The following CEP78 variants were observed in gnomAD, a reference collection of about 807,000 sequenced individuals.
CEP78 encodes the protein centrosomal protein of 78 kDa.
Under a neutral mutation model 81.2 loss-of-function variants are expected in CEP78, and 76 were observed. The observed-to-expected ratio is 0.94, with a 90% CI of 0.78 to 1.13. The LOEUF is 1.13. CEP78 is among the 50% of genes most tolerant of loss of function. The probability of loss-of-function intolerance (pLI) is 0.00; values close to 1 mark genes in which losing one functional copy is unlikely to be tolerated. For missense variants in CEP78, 918 were observed against 846.8 expected, an observed-to-expected ratio of 1.08 and a Z score of -1.04; for synonymous variants, 293 against 301.4, an observed-to-expected ratio of 0.97 and a Z score of 0.29.
At chr9:78,256,004 C>T (rs1478269061) in intron 11 of CEP78, among the ~76,000 whole-genome samples, 2 of 152,180 alleles carry the variant, frequency 1.3e-5, no homozygotes. Context: ...TAGCTCTTTT[C>T]TATTTTAAGA....
intron 11 of CEP78, among the ~76,000 whole-genome samples, chr9:78,261,219 C>T (rs1404794339): frequency 1.3e-5 from 2 of 152,092 alleles, no homozygotes; most frequent in Non-Finnish European, 2.9e-5. Context: ...GGATTACAGG[C>T]ATGAGCCACC....
intron 5 of CEP78, among the ~76,000 whole-genome samples, chr9:78,244,542 A>G (rs1243729402): frequency 6.6e-6 from 1 of 152,232 alleles, no homozygotes; most frequent in Non-Finnish European, 1.5e-5. Flanking sequence ...GTGCCATATT[A>G]TAGTCTCATA....
intron 8 of CEP78, 68 bp from the exon 9 acceptor site, chr9:78,251,840 A>G: frequency 7.0e-7 from 1 of 1,420,874 alleles, no homozygotes; most frequent in Non-Finnish European, 9.7e-7. Context: ...AAGAGTATGC[A>G]CATGTGCCTA....
chr9:78,239,312 T>C (rs1343417463), intron 1 of CEP78, among the ~76,000 whole-genome samples: 1 of 152,186 alleles, frequency 6.6e-6, no homozygotes, highest in Non-Finnish European at 1.5e-5. Context: ...CTGCCTACTT[T>C]GGTTCAAGTG....
intron 11 of CEP78, among the ~76,000 whole-genome samples, chr9:78,257,680 CAAATT>C (rs894987071): frequency 2.6e-5 from 4 of 152,128 alleles, no homozygotes; most frequent in Admixed American, 6.5e-5. Context: ...GAACATAAAA[CAAATT>C]AAACTATGGC....
intron 5 of CEP78, among the ~76,000 whole-genome samples, chr9:78,245,994 C>T (rs1339292300): frequency 1.3e-5 from 2 of 152,058 alleles, no homozygotes; most frequent in African/African-American, 4.8e-5. Context: ...CTGAGCTCCA[C>T]CCAGTTTTTG....
chr9:78,270,695 C>T (rs1377773544), intron 16 of CEP78, 146 bp from the exon 17 acceptor site: 10 of 513,446 alleles, frequency 1.9e-5, no homozygotes, highest in South Asian at 1.9e-4. Flanking sequence ...TGGGTATTTA[C>T]AGAATCTCTA....
At chr9:78,264,352 A>G (rs748229225) in intron 13 of CEP78, 36 bp downstream of exon 13, 5 of 1,586,128 alleles carry the variant, frequency 3.2e-6, no homozygotes, top group Non-Finnish European at 4.3e-6. Flanking sequence ...TCGTCCCTCC[A>G]TGACTTTAAT....
intron 11 of CEP78, among the ~76,000 whole-genome samples, chr9:78,260,568 G>A (rs1348074670): frequency 6.6e-5 from 10 of 152,046 alleles, no homozygotes; most frequent in East Asian, 2.0e-4. Context: ...TTAGCTGTGC[G>A]TGGTGGCGGA....
At chr9:78,249,631 A>G (rs1289943029) in intron 8 of CEP78, 1 of 152,040 alleles carries the variant, frequency 6.6e-6, no homozygotes, top group Non-Finnish European at 1.5e-5. Context: ...GGTATAATCT[A>G]GTTCTACTGA....
intron 12 of CEP78, among the ~76,000 whole-genome samples, chr9:78,263,569 A>G (rs1399665836): frequency 2.0e-5 from 3 of 152,176 alleles, no homozygotes; most frequent in Non-Finnish European, 4.4e-5. Flanking sequence ...ATAAAGGTTG[A>G]GCACCTGATT....
chr9:78,258,987 C>T (rs1827158820), intron 11 of CEP78, among the ~76,000 whole-genome samples: 1 of 152,080 alleles, frequency 6.6e-6, no homozygotes. Context: ...CGTTGGGACC[C>T]AACAAGTCAT....
chr9:78,263,479 A>G (rs959127210), intron 12 of CEP78, among the ~76,000 whole-genome samples: 1 of 152,192 alleles, frequency 6.6e-6, no homozygotes, highest in Non-Finnish European at 1.5e-5. Context: ...CTACATAACT[A>G]TAATTTATTA....
At chr9:78,270,688 G>T (rs1055746584) in intron 16 of CEP78, among the ~76,000 whole-genome samples, 153 bp from the exon 17 acceptor site, 2 of 152,138 alleles carry the variant, frequency 1.3e-5, no homozygotes, top group Non-Finnish European at 2.9e-5. Flanking sequence ...TTTCAAATGG[G>T]TATTTACAGA....
chr9:78,279,066 GA>G lies in CEP78; in HGVS notation c.*8229del, dbSNP rs375822706. On this transcript the variant is annotated 3_prime_UTR_variant, in exon 17 of 17. Coordinates refer to ENST00000643273, the MANE Select transcript of CEP78 (RefSeq NM_001330691.3). ...TGTACATTTTAAACCACTGTGAACT[GA>G]AAAAAAAAAAAAAGGCAACCTTGGT... 2.7e-3 allele frequency: 325 copies of G among 121,482 alleles called. No individual in the cohort carries two copies. The highest frequency in any genetic ancestry group is 8.1e-3 in the East Asian group (35 of 4,324). The allele number at this position is 121,482 out of a possible 1,614,324, so 7.5% of individuals were successfully genotyped here. A position where few individuals can be genotyped will look rare whatever the true frequency, so the allele number is the denominator to read the frequency against.
rs780142509 is a variant in CEP78 at position 78,252,051 on chromosome 9, AT to A, written c.1205+13del. ...ACGTGCAAAAAGACACAGGTAGGGT[AT>A]TTTTATTTCCTATCTTTTAGGATAA... On this transcript the variant is annotated intron_variant, in intron 9 of 16. Coordinates refer to ENST00000643273, the MANE Select transcript of CEP78 (RefSeq NM_001330691.3). 25 of 1,571,284 alleles carry A rather than the reference AT, an allele frequency of 1.6e-5. No homozygotes were observed. The South Asian group carries it at 2.6e-4, about 16-fold the overall frequency.
intron 6 of CEP78, among the ~76,000 whole-genome samples, chr9:78,247,361 C>A (rs779545743): frequency 6.6e-6 from 1 of 152,014 alleles, no homozygotes; most frequent in Non-Finnish European, 1.5e-5. Context: ...GGGAACAAGC[C>A]GTGGAAGATG....
Position 78,276,643 on chromosome 9 carries a change from A to G in CEP78, c.*5792A>G, listed in dbSNP as rs1005898161. On this transcript the variant is annotated 3_prime_UTR_variant, in exon 17 of 17. Transcript: ENST00000643273. Reference sequence around the variant, plus strand: ...TACACCAGCAATAACCAATTAGAAAATGTATGAGGAAATAGACTCTCATCC... The same window carrying G: ...TACACCAGCAATAACCAATTAGAAAGTGTATGAGGAAATAGACTCTCATCC... The G allele has an allele frequency of 6.6e-6, 1 of 152,150 alleles. No individual in the cohort carries two copies. The highest frequency in any genetic ancestry group is 2.4e-5 in the African/African-American group (1 of 41,438). The allele number at this position is 152,150 out of a possible 1,614,324, so 9.4% of individuals were successfully genotyped here.
chr9:78,241,707 G>T lies in CEP78; in HGVS notation c.511G>T (p.Gly171Cys). The T allele has an allele frequency of 6.4e-7, 1 of 1,567,434 alleles. No individual in the cohort carries two copies. Among genetic ancestry groups the T allele is most frequent in the South Asian group, 1.1e-5 (1 of 87,798 alleles). The change falls in exon 4 of 17, where the codon GGT becomes TGT. Residue 171 changes from glycine (G) to cysteine (C), a missense_variant. By Grantham distance (159) the Gly-to-Cys change is radical (BLOSUM62 -3). Transcript: ENST00000643273. ...GDGGLEIICQ[G>C]IKSSITLKTV... is the part of the protein sequence containing the mutation. ...TTTTTCCATTTTAGTTATTTGTCAA[G>T]GTATAAAGAGCTCTATCACTCTTAA...
Sources: gnomAD v4.1 joint callset for allele counts (sites outside exome capture counted in the v4.1 genomes callset) on GRCh38, gnomAD v4.1.1 for gene constraint, MANE v1.5 for transcripts, NCBI Gene and HGNC (gene_info 2026-07-23, HGNC 2026-07-21) for gene names.